The following CNTNAP2 variants were observed in gnomAD, a reference collection of about 807,000 sequenced individuals.
CNTNAP2 encodes the protein contactin-associated protein-like 2.
A neutral mutation model predicts 155.2 loss-of-function variants in CNTNAP2; 98 were observed. The ratio of observed to expected loss-of-function variants is 0.63; its 90% CI spans 0.54 to 0.75. CNTNAP2 has a LOEUF of 0.75. Ranked by LOEUF, CNTNAP2 falls within the 30% of genes least tolerant of loss-of-function variation. The probability of loss-of-function intolerance (pLI) is 0.00; values close to 1 mark genes in which losing one functional copy is unlikely to be tolerated. For missense variants in CNTNAP2, 1,727 were observed against 1,688.1 expected, an observed-to-expected ratio of 1.02 and a Z score of -0.40; for synonymous variants, 651 against 631.2, an observed-to-expected ratio of 1.03 and a Z score of -0.47.
At chr7:146,252,889 G>A (rs200681202) in intron 1 of CNTNAP2, among the ~76,000 whole-genome samples, 7 of 110,816 alleles carry the variant, frequency 6.3e-5, no homozygotes, top group African/African-American at 5.8e-4. Flanking sequence ...TCATCGTAAT[G>A]ATAATAATGA....
chr7:146,410,833 T>G (rs1287484568), intron 1 of CNTNAP2, among the ~76,000 whole-genome samples: 1 of 152,192 alleles, frequency 6.6e-6, no homozygotes. Flanking sequence ...TTCAACTTTT[T>G]CCGATTCCAT....
intron 15 of CNTNAP2, among the ~76,000 whole-genome samples, chr7:148,045,473 T>TA (rs58448100): frequency 0.68 from 102,941 of 151,870 alleles, 34,927 homozygotes; most frequent in East Asian, 0.77. Context: ...AGCTGTCCCC[T>TA]GGGGAGGTGG....
chr7:147,049,725 A>C (rs544043698), intron 4 of CNTNAP2, among the ~76,000 whole-genome samples: 2 of 152,244 alleles, frequency 1.3e-5, no homozygotes, highest in African/African-American at 4.8e-5. Context: ...CCTGCAAGAG[A>C]GGGAATGGGG....
At chr7:147,218,734 T>C (rs1464496039) in intron 8 of CNTNAP2, among the ~76,000 whole-genome samples, 2 of 152,208 alleles carry the variant, frequency 1.3e-5, no homozygotes, top group African/African-American at 2.4e-5. Flanking sequence ...ATATTCATTA[T>C]ATCCAGTTGA....
At chr7:147,813,641 G>A (rs1259013536) in intron 13 of CNTNAP2, among the ~76,000 whole-genome samples, 1 of 152,154 alleles carries the variant, frequency 6.6e-6, no homozygotes, top group Admixed American at 6.5e-5. Context: ...CCACTCCCAA[G>A]CTCACCCTTT....
chr7:148,140,153 A>C (rs1337221447), intron 16 of CNTNAP2, among the ~76,000 whole-genome samples: 2 of 152,220 alleles, frequency 1.3e-5, no homozygotes, highest in East Asian at 3.9e-4. Context: ...TTTACAGTCA[A>C]CCTCTCTATA....
At chr7:148,213,155 C>T (rs986583328) in intron 18 of CNTNAP2, among the ~76,000 whole-genome samples, 15 of 152,154 alleles carry the variant, frequency 9.9e-5, no homozygotes, top group African/African-American at 3.6e-4. Flanking sequence ...CCCCAAGCAT[C>T]TCACACCCTT....
rs369932664 is a variant in CNTNAP2, at chr7:148,349,405, C to CT, written c.3476-34243dup. Among the ~76,000 whole-genome samples, 24 of 135,616 alleles carry CT rather than the reference C, an allele frequency of 1.8e-4. 6 individuals carry two copies. The highest frequency in any genetic ancestry group is 3.0e-4 in the Admixed American group (4 of 13,372). 89.0% of individuals were successfully genotyped at this position (135,616 alleles called of 152,430 possible). ...GCTTTAAAAATTGCAAAAAAAATCT[C>CT]TCTTTTTTTTTTTTGAGACAGAGTC... On this transcript the variant is annotated intron_variant, in intron 21 of 23. Transcript: ENST00000361727.
In CNTNAP2 at chr7:147,566,001, C is replaced by T. The variant is rs140466522; in HGVS notation, c.1897+3744C>T. On this transcript the variant is annotated intron_variant, in intron 12 of 23. Coordinates refer to ENST00000361727, the MANE Select transcript of CNTNAP2 (RefSeq NM_014141.6). The stretch of plus-strand genomic sequence containing the variant: ...AATGAGCTCTTAGAAACTCAATAGG[C>T]GGGACACGATGACTCACGCCTGTAA... 1.7e-3 allele frequency among the ~76,000 whole-genome samples: 255 copies of T among 151,294 alleles called. 2 individuals are homozygous for T. The highest frequency in any genetic ancestry group is 9.3e-3 in the East Asian group (47 of 5,044).
chr7:146,843,082 G>A (rs1314377780), intron 3 of CNTNAP2, among the ~76,000 whole-genome samples: 3 of 104,482 alleles, frequency 2.9e-5, no homozygotes, highest in African/African-American at 8.7e-5. Flanking sequence ...GCGCAATCTC[G>A]GCTCACTGCA....
chr7:148,064,011 G>A (rs1391924842), intron 15 of CNTNAP2, among the ~76,000 whole-genome samples: 1 of 151,940 alleles, frequency 6.6e-6, no homozygotes, highest in Non-Finnish European at 1.5e-5. Flanking sequence ...TTATGTTTTT[G>A]TTTGCTTTGT....
intron 13 of CNTNAP2, among the ~76,000 whole-genome samples, chr7:147,708,303 G>T (rs1796348545): frequency 6.6e-6 from 1 of 152,148 alleles, no homozygotes; most frequent in South Asian, 2.1e-4. Flanking sequence ...TTTGTTCCTG[G>T]GGATATTGGG....
At chr7:147,467,761 G>T (rs1396393173) in intron 10 of CNTNAP2, among the ~76,000 whole-genome samples, 1 of 152,190 alleles carries the variant, frequency 6.6e-6, no homozygotes, top group Non-Finnish European at 1.5e-5. Flanking sequence ...GCTGGGCATT[G>T]TGGCTACACC....
At chr7:147,067,408 A>C (rs1191085825) in intron 4 of CNTNAP2, among the ~76,000 whole-genome samples, 1 of 152,144 alleles carries the variant, frequency 6.6e-6, no homozygotes, top group African/African-American at 2.4e-5. Context: ...GTCAGATTTC[A>C]ACATGAATTT....
Position 147,798,818 on chromosome 7 carries a change from A to T in CNTNAP2, c.2099-104747A>T, listed in dbSNP as rs1304391756. On this transcript the variant is annotated intron_variant, in intron 13 of 23. Coordinates refer to ENST00000361727, the MANE Select transcript of CNTNAP2 (RefSeq NM_014141.6). ...TAGAGGAGTCGATTTTGGGGGAAGG[A>T]AAAAGGAGAGCAGAGAATGAACACT... is the stretch of plus-strand genomic sequence containing the variant. 5.3e-5 allele frequency among the ~76,000 whole-genome samples: 8 copies of T among 152,310 alleles called. No homozygotes were observed. In the East Asian group the frequency reaches 1.5e-3, roughly 29 times the overall value.
intron 3 of CNTNAP2, among the ~76,000 whole-genome samples, chr7:146,892,072 T>C (rs976901668): frequency 6.6e-6 from 1 of 152,164 alleles, no homozygotes; most frequent in East Asian, 1.9e-4. Context: ...AATTTACAAC[T>C]TGGGTAGAGT....
At chr7:147,801,786 C>T (rs1049877920) in intron 13 of CNTNAP2, among the ~76,000 whole-genome samples, 66 of 152,320 alleles carry the variant, frequency 4.3e-4, no homozygotes, top group Middle Eastern at 3.4e-3. Context: ...CCCCCCTTTC[C>T]ATTCCACAAA....
intron 15 of CNTNAP2, among the ~76,000 whole-genome samples, chr7:148,008,277 CA>C (rs1172083351): frequency 6.6e-6 from 1 of 151,928 alleles, no homozygotes; most frequent in African/African-American, 2.4e-5. Flanking sequence ...GAAGCTGAGG[CA>C]GGAGAATTGC....
At chr7:146,924,453 G>T (rs1421796505) in intron 3 of CNTNAP2, among the ~76,000 whole-genome samples, 1 of 152,004 alleles carries the variant, frequency 6.6e-6, no homozygotes, top group Non-Finnish European at 1.5e-5. Flanking sequence ...GCAATATATG[G>T]TAGATTTATA....
Sources: allele counts gnomAD v4.1 joint callset (sites outside exome capture counted in the v4.1 genomes callset), GRCh38; gene constraint gnomAD v4.1.1; transcripts MANE v1.5; gene names NCBI Gene and HGNC (gene_info 2026-07-23, HGNC 2026-07-21).